The following ZBTB20 variants were observed in gnomAD, a reference collection of about 807,000 sequenced individuals.
The protein encoded by ZBTB20 is zinc finger and BTB domain-containing protein 20.
ZBTB20 carries 9 observed loss-of-function variants against 56.9 expected under a neutral mutation model. The observed-to-expected ratio is 0.16, with a 90% CI of 0.10 to 0.28. The LOEUF (loss-of-function observed/expected upper bound fraction) is 0.28, where lower values mean the gene tolerates loss of function less well. ZBTB20 is among the 10% of genes least tolerant of loss of function. The probability of loss-of-function intolerance (pLI) is 1.00; values close to 1 mark genes in which losing one functional copy is unlikely to be tolerated. For missense variants in ZBTB20, 655 were observed against 1,003.0 expected (o/e 0.65, Z 4.69); for synonymous variants, 417 against 420.7 (o/e 0.99, Z 0.11).
chr3:114,670,422 C>T (rs2061300704), intron 6 of ZBTB20, among the ~76,000 whole-genome samples: 1 of 152,030 alleles, frequency 6.6e-6, no homozygotes, highest in African/African-American at 2.4e-5. Context: ...TTTTCACCCT[C>T]CTTTTCTCCA....
Position 114,323,822 on chromosome 3 carries a change from AT to A in ZBTB20, c.*15182del, listed in dbSNP as rs2078976836. On this transcript the variant is annotated 3_prime_UTR_variant, in exon 12 of 12. Coordinates refer to ENST00000675478, the MANE Select transcript of ZBTB20 (RefSeq NM_001348800.3). ...GCCAACCCTGCTAAGATCAAGCATG[AT>A]GAAAATAACTCTGCATTTTAGTGAT... is the stretch of plus-strand genomic sequence containing the variant. 6.6e-6 allele frequency: 1 copy of A among 152,222 alleles called. No individual in the cohort carries two copies. Among genetic ancestry groups the A allele is most frequent in the Non-Finnish European group, 1.5e-5 (1 of 68,038 alleles). The allele number at this position is 152,222 out of a possible 1,614,324, so 9.4% of individuals were successfully genotyped here. A position where few individuals can be genotyped will look rare whatever the true frequency, so the allele number is the denominator to read the frequency against.
At chr3:114,791,961 A>T (rs2070988194) in intron 5 of ZBTB20, 1 of 152,194 alleles carries the variant, frequency 6.6e-6, no homozygotes, top group Non-Finnish European at 1.5e-5. Flanking sequence ...GACTCAGAGA[A>T]CGGTGCTTTC....
At chr3:114,868,355 T>G (rs1356692954) in intron 4 of ZBTB20, among the ~76,000 whole-genome samples, 1 of 152,130 alleles carries the variant, frequency 6.6e-6, no homozygotes, top group Non-Finnish European at 1.5e-5. Context: ...ACCAACAGCT[T>G]TTCTGTACTC....
intron 7 of ZBTB20, among the ~76,000 whole-genome samples, chr3:114,418,574 C>G (rs2088817225): frequency 1.6e-5 from 2 of 122,408 alleles, no homozygotes; most frequent in Admixed American, 1.7e-4. Context: ...ACTAATAGAT[C>G]TTGAGTATAT....
intron 6 of ZBTB20, among the ~76,000 whole-genome samples, chr3:114,613,635 A>T (rs976819139): frequency 1.3e-5 from 2 of 152,164 alleles, no homozygotes; most frequent in African/African-American, 4.8e-5. Context: ...CTCAGTACCA[A>T]GCTCACTTCA....
At chr3:114,842,402 T>C (rs1028368619) in intron 4 of ZBTB20, among the ~76,000 whole-genome samples, 1 of 152,188 alleles carries the variant, frequency 6.6e-6, no homozygotes, top group Non-Finnish European at 1.5e-5. Context: ...CTCCCTCATC[T>C]CTACCTTACC....
At chr3:114,937,987 T>C (rs2076601210) in intron 3 of ZBTB20, among the ~76,000 whole-genome samples, 1 of 151,396 alleles carries the variant, frequency 6.6e-6, no homozygotes, top group South Asian at 2.1e-4. Flanking sequence ...AGTCTGGGAC[T>C]ACTTGGGAGG....
chr3:114,649,495 T>C (rs775267214), intron 6 of ZBTB20, among the ~76,000 whole-genome samples: 3 of 151,978 alleles, frequency 2.0e-5, no homozygotes, highest in African/African-American at 7.2e-5. Context: ...GAGTGCATAA[T>C]GGACTCAAGT....
intron 6 of ZBTB20, among the ~76,000 whole-genome samples, chr3:114,540,950 G>A (rs950883768): frequency 2.0e-5 from 3 of 151,768 alleles, no homozygotes; most frequent in Non-Finnish European, 4.4e-5. Flanking sequence ...CTACTATGAC[G>A]ATTTAAAGAG....
At chr3:115,121,587 C>T (rs2084183019) in intron 1 of ZBTB20, among the ~76,000 whole-genome samples, 1 of 151,928 alleles carries the variant, frequency 6.6e-6, no homozygotes, top group Admixed American at 6.6e-5. Flanking sequence ...ATAAATGGAA[C>T]TATTGTCTAT....
intron 2 of ZBTB20, among the ~76,000 whole-genome samples, chr3:115,061,021 A>G (rs1247121274): frequency 2.0e-5 from 3 of 152,080 alleles, no homozygotes; most frequent in East Asian, 1.9e-4. Flanking sequence ...CGATTCTCCA[A>G]ATATGATCAT....
At chr3:114,380,083 G>C (rs1181104452) in intron 10 of ZBTB20, 134 bp downstream of exon 10, 2 of 941,596 alleles carry the variant, frequency 2.1e-6, no homozygotes, top group Non-Finnish European at 3.0e-6. Flanking sequence ...AATGAAAATG[G>C]TGGCACATTA....
chr3:114,621,857 C>A (rs998528405), intron 6 of ZBTB20, among the ~76,000 whole-genome samples: 1 of 152,068 alleles, frequency 6.6e-6, no homozygotes, highest in East Asian at 1.9e-4. Flanking sequence ...AAAAATACAT[C>A]GTCTTGCCTT....
intron 6 of ZBTB20, among the ~76,000 whole-genome samples, chr3:114,630,466 TGTGTGTGTAC>T (rs1398270394): frequency 6.6e-6 from 1 of 151,994 alleles, no homozygotes; most frequent in Non-Finnish European, 1.5e-5. Flanking sequence ...TGTGTACACA[TGTGTGTGTAC>T]GTGTGTGTGT....
At chr3:114,659,956 C>T (rs1049968586) in intron 6 of ZBTB20, among the ~76,000 whole-genome samples, 2 of 152,000 alleles carry the variant, frequency 1.3e-5, no homozygotes, top group African/African-American at 4.8e-5. Context: ...GGAAATGATT[C>T]TCTTTGTCTT....
At chr3:114,748,352 TTCTCTCTCTCTCTC>T (rs71146332) in intron 5 of ZBTB20, among the ~76,000 whole-genome samples, 2 of 48,578 alleles carry the variant, frequency 4.1e-5, no homozygotes, top group African/African-American at 1.1e-4. Context: ...TTTCTTTCTT[TTCTCTCTCTCTCTC>T]TCTCTCTCTC....
chr3:114,412,512 C>T lies in ZBTB20; in HGVS notation c.-254-23407G>A, dbSNP rs149758863. Among the ~76,000 whole-genome samples, 28 of 152,188 alleles carry T rather than the reference C, an allele frequency of 1.8e-4. No homozygotes were observed. The East Asian group carries it at 5.2e-3, about 28-fold the overall frequency. Reference sequence around the variant, plus strand: ...ACTCAAACCTGAAGGGATTTCTCACCGGGATGCTGACCTTGGGTTCATAGA... The same window carrying T: ...ACTCAAACCTGAAGGGATTTCTCACTGGGATGCTGACCTTGGGTTCATAGA... On this transcript the variant is annotated intron_variant, in intron 7 of 11. Coordinates refer to ENST00000675478, the MANE Select transcript of ZBTB20 (RefSeq NM_001348800.3).
chr3:115,075,561 A>G (rs761966155), intron 1 of ZBTB20, among the ~76,000 whole-genome samples: 9 of 152,138 alleles, frequency 5.9e-5, no homozygotes, highest in Non-Finnish European at 1.2e-4. Flanking sequence ...CATCTTGGTC[A>G]TTGCTAATCT....
chr3:114,424,836 A>G (rs1027022124), intron 7 of ZBTB20, among the ~76,000 whole-genome samples: 2 of 152,172 alleles, frequency 1.3e-5, no homozygotes, highest in Non-Finnish European at 1.5e-5. Context: ...AAGTCCTTTT[A>G]CTGTCATTCT....
Sources: gnomAD v4.1 joint callset for allele counts (sites outside exome capture counted in the v4.1 genomes callset) on GRCh38, gnomAD v4.1.1 for gene constraint, MANE v1.5 for transcripts, NCBI Gene and HGNC (gene_info 2026-07-23, HGNC 2026-07-21) for gene names.